DIAPH2: variants seen among roughly 807,000 people sequenced by gnomAD.
The protein encoded by DIAPH2 is protein diaphanous homolog 2.
DIAPH2 carries 35 observed loss-of-function variants against 92.7 expected under a neutral mutation model. That is an observed-to-expected ratio of 0.38 (90% CI 0.29 to 0.50). DIAPH2 has a LOEUF of 0.50. DIAPH2 is among the 20% of genes least tolerant of loss of function. DIAPH2 has a pLI of 0.94. For missense variants in DIAPH2, 701 were observed against 819.5 expected, an observed-to-expected ratio of 0.86 and a Z score of 1.77; for synonymous variants, 301 against 280.4, an observed-to-expected ratio of 1.07 and a Z score of -0.73.
At chrX:97,360,625 AAAACAAAC>A (rs748263406) in intron 24 of DIAPH2, among the ~76,000 whole-genome samples, 1 of 111,483 alleles carries the variant, frequency 9.0e-6, no homozygotes, top group African/African-American at 3.3e-5. Context: ...CTTCATCTCT[AAAACAAAC>A]AAACAAACAG....
At chrX:97,309,852 C>G (rs2147638518) in intron 23 of DIAPH2, among the ~76,000 whole-genome samples, 1 of 112,042 alleles carries the variant, frequency 8.9e-6, no homozygotes, top group East Asian at 2.8e-4. Context: ...ATGGGAAAAC[C>G]TAGAAACAGT....
At chrX:97,253,897 A>G (rs942149349) in intron 23 of DIAPH2, among the ~76,000 whole-genome samples, 14 of 112,408 alleles carry the variant, frequency 1.2e-4, no homozygotes, top group Non-Finnish European at 7.5e-5. Flanking sequence ...TTACTATACA[A>G]CGAGGCTGCA....
chrX:96,966,800 C>T (rs1161882709), intron 17 of DIAPH2, among the ~76,000 whole-genome samples: 2 of 111,692 alleles, frequency 1.8e-5, no homozygotes, highest in African/African-American at 6.5e-5. Context: ...GGATAAAATG[C>T]TGTGTACATT....
At chrX:97,277,692 A>G (rs1313008607) in intron 23 of DIAPH2, among the ~76,000 whole-genome samples, 4 of 111,707 alleles carry the variant, frequency 3.6e-5, no homozygotes, top group African/African-American at 1.3e-4. Flanking sequence ...TTTGGGAGCT[A>G]TCCTTATGCC....
rs1399596552 is a variant in DIAPH2, at chrX:96,957,882, T to A, written c.1669T>A (p.Leu557Met). The change falls in exon 16 of 27, where the codon TTG becomes ATG. Residue 557 changes from leucine (L) to methionine (M), a missense_variant. Coordinates refer to ENST00000324765, the MANE Select transcript of DIAPH2 (RefSeq NM_006729.5). ...TCCAGGTCCTCCTGCAGCACCTCCA[T>A]TGCCAGGTGTAGGGCCGCCTCCACC... ...GIPGPPAAPP[L>M]PGVGPPPPPP... The A allele has an allele frequency of 8.3e-7, 1 of 1,208,728 alleles. No individual in the cohort carries two copies. The highest frequency in any genetic ancestry group is 1.1e-6 in the Non-Finnish European group (1 of 894,885).
At chrX:96,741,770 C>T (rs1219275422) in intron 3 of DIAPH2, among the ~76,000 whole-genome samples, 1 of 111,838 alleles carries the variant, frequency 8.9e-6, no homozygotes, top group African/African-American at 3.3e-5. Flanking sequence ...AGGCATGAGC[C>T]ACCATGCCCA....
intron 17 of DIAPH2, among the ~76,000 whole-genome samples, chrX:96,976,887 A>T (rs1293830790): frequency 9.0e-6 from 1 of 111,581 alleles, no homozygotes; most frequent in African/African-American, 3.3e-5. Flanking sequence ...ATTATTTTAA[A>T]TTCATATCAT....
At chrX:96,810,922 C>A (rs1163427449) in intron 4 of DIAPH2, among the ~76,000 whole-genome samples, 1 of 111,646 alleles carries the variant, frequency 9.0e-6, no homozygotes, top group South Asian at 3.8e-4. Flanking sequence ...GTTACTGTAG[C>A]CTTGTAGTAT....
At chrX:97,381,782 A>G (rs1225623101) in intron 24 of DIAPH2, among the ~76,000 whole-genome samples, 3 of 112,155 alleles carry the variant, frequency 2.7e-5, no homozygotes, top group Admixed American at 9.5e-5. Context: ...GGTTTTCTAT[A>G]AAGATTATAA....
intron 4 of DIAPH2, among the ~76,000 whole-genome samples, chrX:96,782,206 CTCTCA>C (rs1207723028): frequency 2.7e-5 from 3 of 111,996 alleles, no homozygotes; most frequent in African/African-American, 9.7e-5. Context: ...TCAAGCTGCC[CTCTCA>C]TCTCAGCCTC....
chrX:97,366,339 T>C lies in DIAPH2; in HGVS notation c.3010-17570T>C, dbSNP rs758836957. Among the ~76,000 whole-genome samples the C allele has an allele frequency of 3.6e-5, 4 of 112,210 alleles. No homozygotes were observed. In the East Asian group the frequency reaches 1.1e-3, roughly 31 times the overall value. On this transcript the variant is annotated intron_variant, in intron 24 of 26. Transcript: ENST00000324765. ...TTTTAACGACTCCTTTTACTCTTCG[T>C]CAACATTGATTTAGCAAATATTTGA...
intron 23 of DIAPH2, among the ~76,000 whole-genome samples, chrX:97,258,463 C>T (rs2068257142): frequency 9.0e-6 from 1 of 110,873 alleles, no homozygotes; most frequent in Non-Finnish European, 1.9e-5. Context: ...GTCCCAGCTA[C>T]TCGGGAGGCT....
At chrX:97,195,142 T>G (rs2067690981) in intron 22 of DIAPH2, among the ~76,000 whole-genome samples, 1 of 111,856 alleles carries the variant, frequency 8.9e-6, no homozygotes, top group African/African-American at 3.2e-5. Flanking sequence ...CTTGATCAAT[T>G]CCGTAATTTA....
intron 19 of DIAPH2, among the ~76,000 whole-genome samples, chrX:97,090,327 TTTTTTTTG>T (rs2066815233): frequency 9.0e-5 from 5 of 55,826 alleles, no homozygotes; most frequent in Non-Finnish European, 1.3e-4. Context: ...TTTTTTTTTT[TTTTTTTTG>T]AGAAAGAGCT....
intron 1 of DIAPH2, among the ~76,000 whole-genome samples, 169 bp from the exon 2 acceptor site, chrX:96,735,589 A>G (rs924080177): frequency 4.5e-5 from 5 of 112,136 alleles, no homozygotes; most frequent in Non-Finnish European, 7.5e-5. Context: ...AATCATTAAA[A>G]AGATTTTTTT....
intron 17 of DIAPH2, among the ~76,000 whole-genome samples, chrX:96,972,763 C>T (rs2065935557): frequency 9.0e-6 from 1 of 110,576 alleles, no homozygotes; most frequent in African/African-American, 3.3e-5. Context: ...AATAGAATTT[C>T]TATAGGGAAA....
intron 5 of DIAPH2, among the ~76,000 whole-genome samples, chrX:96,882,970 AAAAAAAAAAAAAAC>A (rs1200554249): frequency 1.4e-4 from 11 of 79,322 alleles, no homozygotes; most frequent in East Asian, 3.6e-4. Flanking sequence ...AAAAAAAAAA[AAAAAAAAAAAAAAC>A]AAAAAAACAA....
rs756277085 is a variant in DIAPH2 at position 96,714,265 on chromosome X, GT to G, written c.133-21475del. Among the ~76,000 whole-genome samples, 508 of 87,732 alleles carry G rather than the reference GT, an allele frequency of 5.8e-3. 6 individuals are homozygous for G. Among genetic ancestry groups the G allele is most frequent in the Middle Eastern group, 0.013 (2 of 152 alleles). 76.2% of individuals were successfully genotyped at this position (87,732 alleles called of 115,157 possible). ...GCACGTATCATAAGTTTGTGTGTGT[GT>G]TTTTTTTTTTTTTTTTTGAGATGGA... On this transcript the variant is annotated intron_variant, in intron 1 of 26. Coordinates refer to ENST00000324765, the MANE Select transcript of DIAPH2 (RefSeq NM_006729.5).
At chrX:97,460,226 A>AACGAGGCTCCACCTT (rs2070447372) in intron 26 of DIAPH2, among the ~76,000 whole-genome samples, 1 of 111,857 alleles carries the variant, frequency 8.9e-6, no homozygotes, top group South Asian at 3.7e-4. Context: ...GTGTAAACTT[A>AACGAGGCTCCACCTT]ACGAGGCTCC....
Sources: gnomAD v4.1 joint callset for allele counts (sites outside exome capture counted in the v4.1 genomes callset) on GRCh38, gnomAD v4.1.1 for gene constraint, MANE v1.5 for transcripts, NCBI Gene and HGNC (gene_info 2026-07-23, HGNC 2026-07-21) for gene names.